LDB2: variants seen among roughly 807,000 people sequenced by gnomAD.
LDB2 encodes LIM domain-binding protein 2.
LDB2 carries 12 observed loss-of-function variants against 44.3 expected under a neutral mutation model. The observed-to-expected ratio is 0.27, with a 90% CI of 0.17 to 0.44. The LOEUF (loss-of-function observed/expected upper bound fraction) is 0.44, where lower values mean the gene tolerates loss of function less well. LDB2 is among the 20% of genes least tolerant of loss of function. The probability of loss-of-function intolerance (pLI) is 1.00; values close to 1 mark genes in which losing one functional copy is unlikely to be tolerated. For synonymous variants in LDB2, 164 were observed against 174.8 expected (o/e 0.94, Z 0.49); for missense variants, 344 against 473.5 (o/e 0.73, Z 2.54).
intron 2 of LDB2, among the ~76,000 whole-genome samples, chr4:16,672,706 C>T (rs1211709052): frequency 6.6e-6 from 1 of 150,848 alleles, no homozygotes; most frequent in Non-Finnish European, 1.5e-5. Context: ...TCTAATTAAA[C>T]ACAGTGCCTC....
At chr4:16,772,040 T>A (rs1770823662) in intron 1 of LDB2, among the ~76,000 whole-genome samples, 1 of 152,138 alleles carries the variant, frequency 6.6e-6, no homozygotes, top group Non-Finnish European at 1.5e-5. Flanking sequence ...GTTCTTACCT[T>A]GGGGACCTTC....
chr4:16,789,979 C>T (rs13144001), intron 1 of LDB2, among the ~76,000 whole-genome samples: 1 of 152,142 alleles, frequency 6.6e-6, no homozygotes, highest in Non-Finnish European at 1.5e-5. Flanking sequence ...GTGTGGTTAT[C>T]CCCATTCTAT....
At chr4:16,888,325 C>T (rs1722354955) in intron 1 of LDB2, among the ~76,000 whole-genome samples, 1 of 152,200 alleles carries the variant, frequency 6.6e-6, no homozygotes, top group Admixed American at 6.5e-5. Flanking sequence ...AAACACCAAT[C>T]ACAGCTTTTT....
chr4:16,509,524 ATTTG>A (rs993783173), intron 6 of LDB2, among the ~76,000 whole-genome samples: 4 of 152,296 alleles, frequency 2.6e-5, no homozygotes, highest in East Asian at 1.9e-4. Context: ...TTCTTTATTT[ATTTG>A]TTTGTTTACT....
chr4:16,719,525 T>A (rs925274782), intron 2 of LDB2, among the ~76,000 whole-genome samples: 4 of 152,226 alleles, frequency 2.6e-5, no homozygotes, highest in African/African-American at 4.8e-5. Flanking sequence ...TTCCCATTCA[T>A]CCTTTTGAAG....
chr4:16,524,543 G>T (rs1035990855), intron 5 of LDB2, among the ~76,000 whole-genome samples: 1 of 152,136 alleles, frequency 6.6e-6, no homozygotes, highest in Admixed American at 6.5e-5. Flanking sequence ...TGAGGGAGGG[G>T]CTGAGAGCCT....
chr4:16,540,298 C>T (rs771106769), intron 5 of LDB2, among the ~76,000 whole-genome samples: 3 of 152,124 alleles, frequency 2.0e-5, no homozygotes, highest in Non-Finnish European at 4.4e-5. Flanking sequence ...AACTGCTTTA[C>T]CCTGATACTG....
chr4:16,699,776 A>G (rs891455011), intron 2 of LDB2, among the ~76,000 whole-genome samples: 1 of 152,212 alleles, frequency 6.6e-6, no homozygotes, highest in Non-Finnish European at 1.5e-5. Flanking sequence ...TTCATTGCTC[A>G]GTTCTCTCCT....
At chr4:16,732,434 A>G (rs1171860979) in intron 2 of LDB2, among the ~76,000 whole-genome samples, 2 of 152,210 alleles carry the variant, frequency 1.3e-5, no homozygotes, top group Non-Finnish European at 2.9e-5. Context: ...GAGCCCAAGG[A>G]AGCTGCAAAT....
chr4:16,607,950 C>G (rs1406517006), intron 2 of LDB2, among the ~76,000 whole-genome samples: 1 of 151,738 alleles, frequency 6.6e-6, no homozygotes, highest in Non-Finnish European at 1.5e-5. Flanking sequence ...AGAATCAAGA[C>G]CACAAAAAAG....
intron 5 of LDB2, among the ~76,000 whole-genome samples, chr4:16,554,948 T>A (rs1222998663): frequency 1.3e-5 from 2 of 152,182 alleles, no homozygotes; most frequent in Non-Finnish European, 2.9e-5. Flanking sequence ...TCAGTGTTGG[T>A]TCATTGATGT....
chr4:16,739,105 T>C (rs1182963001), intron 2 of LDB2, among the ~76,000 whole-genome samples: 1 of 152,114 alleles, frequency 6.6e-6, no homozygotes, highest in Non-Finnish European at 1.5e-5. Context: ...TTCTCTTTAA[T>C]TAAACCAATC....
chr4:16,520,832 G>A (rs1577342778), intron 5 of LDB2, among the ~76,000 whole-genome samples: 1 of 152,144 alleles, frequency 6.6e-6, no homozygotes, highest in Non-Finnish European at 1.5e-5. Context: ...CCAAGCTCAC[G>A]ATTTCTGCTG....
chr4:16,888,346 C>T (rs527932138), intron 1 of LDB2, among the ~76,000 whole-genome samples: 6 of 152,314 alleles, frequency 3.9e-5, no homozygotes, highest in Non-Finnish European at 7.3e-5. Context: ...CCCAACAAAA[C>T]GGAGTACACA....
chr4:16,508,767 GC>G (rs1244820434), intron 6 of LDB2, 81 bp from the exon 7 acceptor site: 3 of 1,374,092 alleles, frequency 2.2e-6, no homozygotes, highest in Non-Finnish European at 2.9e-6. Context: ...CTCTAAGGAA[GC>G]TGTCTTGGTA....
chr4:16,596,187 T>A (rs188405106), intron 2 of LDB2, among the ~76,000 whole-genome samples: 104 of 152,306 alleles, frequency 6.8e-4, no homozygotes, highest in African/African-American at 2.3e-3. Flanking sequence ...GGACCTTGTA[T>A]ACTTTTGGAG....
intron 3 of LDB2, among the ~76,000 whole-genome samples, chr4:16,594,118 G>A (rs1435550285): frequency 6.6e-6 from 1 of 151,344 alleles, no homozygotes; most frequent in Non-Finnish European, 1.5e-5. Flanking sequence ...AGCATAAGGA[G>A]TTGGTATGTT....
intron 1 of LDB2, among the ~76,000 whole-genome samples, chr4:16,820,383 A>C (rs970324847): frequency 2.6e-5 from 4 of 152,180 alleles, no homozygotes; most frequent in Non-Finnish European, 5.9e-5. Context: ...TGGAGTTTAC[A>C]GCTTAGCTGA....
chr4:16,778,095 C>T (rs753099273), intron 1 of LDB2, among the ~76,000 whole-genome samples: 10 of 152,134 alleles, frequency 6.6e-5, no homozygotes, highest in African/African-American at 9.7e-5. Context: ...TTATATTCTC[C>T]ATCAGTAGTC....
Sources: allele counts gnomAD v4.1 joint callset (sites outside exome capture counted in the v4.1 genomes callset), GRCh38; gene constraint gnomAD v4.1.1; transcripts MANE v1.5; gene names NCBI Gene and HGNC (gene_info 2026-07-23, HGNC 2026-07-21).